CNST: variants seen among roughly 807,000 people sequenced by gnomAD.
CNST encodes the protein consortin.
CNST carries 39 observed loss-of-function variants against 72.4 expected under a neutral mutation model. That is an observed-to-expected ratio of 0.54 (90% CI 0.42 to 0.70). CNST has a LOEUF of 0.70. Ranked by LOEUF, CNST falls within the 30% of genes least tolerant of loss-of-function variation. The probability of loss-of-function intolerance (pLI) is 0.00; values close to 1 mark genes in which losing one functional copy is unlikely to be tolerated. For missense variants in CNST, 871 were observed against 868.5 expected (o/e 1.00, Z -0.04); for synonymous variants, 332 against 320.1 (o/e 1.04, Z -0.40).
At chr1:246,610,752 T>C (rs963330588) in intron 2 of CNST, among the ~76,000 whole-genome samples, 1 of 152,048 alleles carries the variant, frequency 6.6e-6, no homozygotes, top group African/African-American at 2.4e-5. Flanking sequence ...CTGCTTGCAC[T>C]AAGTTGATGG....
intron 3 of CNST, among the ~76,000 whole-genome samples, chr1:246,623,377 T>C (rs1664213875): frequency 6.6e-6 from 1 of 152,154 alleles, no homozygotes; most frequent in Non-Finnish European, 1.5e-5. Flanking sequence ...TTGTCTCTAA[T>C]CCTAATGTAA....
chr1:246,566,712 G>T (rs1462478399), intron 1 of CNST, 49 bp downstream of exon 1: 4 of 400,262 alleles, frequency 1.0e-5, no homozygotes, highest in Middle Eastern at 6.2e-4. Context: ...CTCGCGGCCG[G>T]GATGGAAAGC....
intron 9 of CNST, among the ~76,000 whole-genome samples, chr1:246,655,098 T>C (rs575449977): frequency 6.6e-6 from 1 of 152,348 alleles, no homozygotes; most frequent in East Asian, 1.9e-4. Context: ...ATCTTGACAT[T>C]CTCATTTCTT....
intron 9 of CNST, among the ~76,000 whole-genome samples, chr1:246,651,442 T>G (rs1666442479): frequency 6.6e-6 from 1 of 152,212 alleles, no homozygotes; most frequent in East Asian, 1.9e-4. Context: ...GTCTGTCTGC[T>G]TTCATTTTCT....
chr1:246,586,213 G>C (rs115518257), intron 1 of CNST, among the ~76,000 whole-genome samples: 3,170 of 143,774 alleles, frequency 0.022, 121 homozygotes, highest in African/African-American at 0.076. Flanking sequence ...TTATTATATA[G>C]TATATATAAT....
intron 6 of CNST, among the ~76,000 whole-genome samples, chr1:246,635,708 T>C (rs186101046): frequency 1.6e-4 from 24 of 152,302 alleles, no homozygotes; most frequent in African/African-American, 5.8e-4. Flanking sequence ...TGATTATCTC[T>C]AGAGCAGCCT....
chr1:246,668,347 C>T lies in CNST; in HGVS notation c.*2442C>T, dbSNP rs867522877. 1 of 152,166 alleles carries T rather than the reference C, an allele frequency of 6.6e-6. No individual in the cohort carries two copies. The highest frequency in any genetic ancestry group is 1.5e-5 in the Non-Finnish European group (1 of 68,028). 9.4% of individuals were successfully genotyped at this position (152,166 alleles called of 1,614,324 possible). ...TTTAAAATCTGTACCAACAAAGTGTCTCAGAGAGTTTATTTGAACCATTGG... is the reference window on the plus strand; with the variant it reads ...TTTAAAATCTGTACCAACAAAGTGTTTCAGAGAGTTTATTTGAACCATTGG... On this transcript the variant is annotated 3_prime_UTR_variant, in exon 11 of 11. Transcript: ENST00000366513.
At chr1:246,661,912 A>G (rs909879189) in intron 10 of CNST, among the ~76,000 whole-genome samples, 1 of 152,180 alleles carries the variant, frequency 6.6e-6, no homozygotes, top group Admixed American at 6.5e-5. Context: ...TAACTCTCAC[A>G]GTCTTCTCCA....
intron 6 of CNST, among the ~76,000 whole-genome samples, chr1:246,638,383 C>T (rs904453153): frequency 1.3e-5 from 2 of 152,134 alleles, no homozygotes; most frequent in Non-Finnish European, 2.9e-5. Flanking sequence ...GGTTTGGTGG[C>T]CCCTGCAATG....
At chr1:246,657,464 G>GA (rs35451640) in intron 9 of CNST, among the ~76,000 whole-genome samples, 112 of 151,928 alleles carry the variant, frequency 7.4e-4, no homozygotes, top group Middle Eastern at 6.8e-3. Flanking sequence ...TTTGGTGGCA[G>GA]AAAAAAAAGG....
intron 8 of CNST, among the ~76,000 whole-genome samples, chr1:246,645,949 A>C (rs746507611): frequency 1.3e-5 from 2 of 152,096 alleles, no homozygotes; most frequent in African/African-American, 4.8e-5. Flanking sequence ...ACTTGTTGCA[A>C]AAACTTATCC....
At chr1:246,607,229 G>A (rs1558552427) in intron 2 of CNST, 1 of 151,860 alleles carries the variant, frequency 6.6e-6, no homozygotes, top group Non-Finnish European at 1.5e-5. Flanking sequence ...AATTCAAAGT[G>A]AGGCTGGGGT....
intron 5 of CNST, 150 bp downstream of exon 5, chr1:246,634,160 A>T: frequency 1.6e-6 from 1 of 618,636 alleles, no homozygotes; most frequent in South Asian, 2.1e-5. Flanking sequence ...CATTTTTACC[A>T]CAAGTCTATT....
At chr1:246,665,036 A>G (rs1342449693) in intron 10 of CNST, among the ~76,000 whole-genome samples, 1 of 152,126 alleles carries the variant, frequency 6.6e-6, no homozygotes, top group Non-Finnish European at 1.5e-5. Flanking sequence ...TGTGAACCCC[A>G]AGGATCTTAG....
intron 2 of CNST, among the ~76,000 whole-genome samples, chr1:246,594,442 CATT>C (rs1039414154): frequency 3.9e-5 from 6 of 152,086 alleles, no homozygotes; most frequent in Non-Finnish European, 5.9e-5. Context: ...TTACTTTAAA[CATT>C]ATTTTCTATA....
intron 2 of CNST, among the ~76,000 whole-genome samples, chr1:246,593,500 C>T (rs543106192): frequency 2.6e-5 from 4 of 152,048 alleles, no homozygotes; most frequent in African/African-American, 9.6e-5. Flanking sequence ...ACCACCATGC[C>T]CAGCTAATTT....
chr1:246,630,672 G>A (rs1319882061), intron 3 of CNST, among the ~76,000 whole-genome samples: 2 of 151,222 alleles, frequency 1.3e-5, no homozygotes, highest in East Asian at 1.9e-4. Flanking sequence ...CCTGGAAAAC[G>A]GAGATAGTGA....
intron 2 of CNST, among the ~76,000 whole-genome samples, chr1:246,594,756 C>G (rs1251529145): frequency 6.6e-6 from 1 of 152,152 alleles, no homozygotes; most frequent in Non-Finnish European, 1.5e-5. Context: ...GCGATAGTGC[C>G]AGACCTTGTC....
At chr1:246,580,932 T>A (rs547983199) in intron 1 of CNST, among the ~76,000 whole-genome samples, 13 of 151,996 alleles carry the variant, frequency 8.6e-5, no homozygotes, top group Admixed American at 7.9e-4. Context: ...GTAGACGGGA[T>A]TTCACCATGT....
Sources: allele counts gnomAD v4.1 joint callset (sites outside exome capture counted in the v4.1 genomes callset), GRCh38; gene constraint gnomAD v4.1.1; transcripts MANE v1.5; gene names NCBI Gene and HGNC (gene_info 2026-07-23, HGNC 2026-07-21).